Variants in DCC observed in about 807,000 individuals in gnomAD.
The protein encoded by DCC is netrin receptor DCC.
DCC carries 58 observed loss-of-function variants against 172.5 expected under a neutral mutation model. The ratio of observed to expected loss-of-function variants is 0.34; its 90% CI spans 0.27 to 0.42. The LOEUF (loss-of-function observed/expected upper bound fraction) is 0.42, where lower values mean the gene tolerates loss of function less well. DCC is among the 10% of genes least tolerant of loss of function. The pLI is 1.00. For synonymous variants in DCC, 709 were observed against 644.5 expected (o/e 1.10, Z -1.52); for missense variants, 1,740 against 1,791.0 (o/e 0.97, Z 0.51).
intron 1 of DCC, among the ~76,000 whole-genome samples, chr18:52,717,614 G>A (rs1161876123): frequency 2.6e-5 from 4 of 151,936 alleles, no homozygotes; most frequent in Non-Finnish European, 5.9e-5. Context: ...GGAGAACTTT[G>A]AGAGCCTCAA....
chr18:52,672,139 G>A (rs2035565899), intron 1 of DCC, among the ~76,000 whole-genome samples: 1 of 152,100 alleles, frequency 6.6e-6, no homozygotes, highest in Non-Finnish European at 1.5e-5. Context: ...CAATACTTCA[G>A]TTTTGTTTAT....
chr18:52,784,934 GGAGAGA>G (rs59734988), intron 2 of DCC, among the ~76,000 whole-genome samples: 1 of 141,446 alleles, frequency 7.1e-6, no homozygotes, highest in Non-Finnish European at 1.5e-5. Flanking sequence ...AGAGAAGGGG[GGAGAGA>G]GAGAGAGAGA....
At chr18:53,313,037 A>AAAGGGAAGAAGGGAGGG (rs1198701093) in intron 13 of DCC, among the ~76,000 whole-genome samples, 2,092 of 56,244 alleles carry the variant, frequency 0.037, 89 homozygotes, top group African/African-American at 0.09. Flanking sequence ...AAGAAGGAGG[A>AAAGGGAAGAAGGGAGGG]AAGGGAAGAA....
At chr18:52,868,077 G>GTGTGTA (rs1555675541) in intron 2 of DCC, among the ~76,000 whole-genome samples, 8 of 120,446 alleles carry the variant, frequency 6.6e-5, no homozygotes, top group East Asian at 4.3e-4. Flanking sequence ...GTGTGTGTGT[G>GTGTGTA]TATATATGTG....
chr18:53,048,592 TATAC>T (rs778701989), intron 5 of DCC, among the ~76,000 whole-genome samples: 10 of 151,180 alleles, frequency 6.6e-5, no homozygotes, highest in African/African-American at 1.5e-4. Flanking sequence ...TATATACGTA[TATAC>T]ATACATGTAT....
rs746724187 is a variant in DCC, at chr18:53,038,325, TATC to T, written c.986-24977_986-24975del. ...GTTAGATTGGGCTGCTGTAATAAAA[TATC>T]ATAAACGGAGTGGCTTAAACAACAG... On this transcript the variant is annotated intron_variant, in intron 5 of 28. Transcript: ENST00000442544. 6.4e-4 allele frequency among the ~76,000 whole-genome samples: 97 copies of T among 152,110 alleles called. 1 individual carries two copies. The highest frequency in any genetic ancestry group is 1.2e-3 in the Non-Finnish European group (83 of 67,958).
chr18:52,422,598 A>G (rs1017947074), intron 1 of DCC, among the ~76,000 whole-genome samples: 4 of 152,202 alleles, frequency 2.6e-5, no homozygotes, highest in African/African-American at 9.6e-5. Context: ...GGATATACAA[A>G]CTACAATGAA....
chr18:53,288,293 T>G (rs1403094718), intron 12 of DCC, among the ~76,000 whole-genome samples: 3 of 152,144 alleles, frequency 2.0e-5, no homozygotes, highest in Non-Finnish European at 4.4e-5. Context: ...TTTTATCTAT[T>G]GTTACCTAGG....
intron 7 of DCC, among the ~76,000 whole-genome samples, chr18:53,107,831 T>C (rs1296787863): frequency 6.6e-6 from 1 of 151,880 alleles, no homozygotes; most frequent in Admixed American, 6.6e-5. Context: ...AGGGCTATGA[T>C]TTTCCTGTGC....
intron 9 of DCC, among the ~76,000 whole-genome samples, chr18:53,192,827 G>A (rs908313007): frequency 5.9e-5 from 9 of 152,094 alleles, no homozygotes; most frequent in Non-Finnish European, 1.0e-4. Flanking sequence ...TCACCCACAC[G>A]TCTCCACCTA....
chr18:52,480,882 C>A (rs776209542), intron 1 of DCC, among the ~76,000 whole-genome samples: 2 of 151,932 alleles, frequency 1.3e-5, no homozygotes, highest in Admixed American at 6.6e-5. Flanking sequence ...AAACTCCAGG[C>A]CTCCTTTTCA....
At chr18:52,525,753 A>T (rs189008488) in intron 1 of DCC, among the ~76,000 whole-genome samples, 63 of 152,352 alleles carry the variant, frequency 4.1e-4, no homozygotes, top group Non-Finnish European at 6.3e-4. Flanking sequence ...GACAGATCTT[A>T]ACTCTCCTAC....
chr18:52,778,671 G>GT (rs1237001756), intron 2 of DCC, among the ~76,000 whole-genome samples: 1 of 152,086 alleles, frequency 6.6e-6, no homozygotes, highest in Non-Finnish European at 1.5e-5. Context: ...TAATTGCCTA[G>GT]TTTTTTCTTT....
At chr18:52,613,552 T>A (rs1247908192) in intron 1 of DCC, among the ~76,000 whole-genome samples, 1 of 152,084 alleles carries the variant, frequency 6.6e-6, no homozygotes, top group Non-Finnish European at 1.5e-5. Flanking sequence ...ACCACACCCA[T>A]CCTGTCTTGT....
At chr18:52,929,619 C>A (rs1359378782) in intron 5 of DCC, among the ~76,000 whole-genome samples, 3 of 151,924 alleles carry the variant, frequency 2.0e-5, no homozygotes, top group Non-Finnish European at 4.4e-5. Flanking sequence ...TACTCAATAT[C>A]GGGTATTGCT....
chr18:53,121,648 C>T (rs2043485622), intron 7 of DCC, among the ~76,000 whole-genome samples: 1 of 151,838 alleles, frequency 6.6e-6, no homozygotes, highest in Non-Finnish European at 1.5e-5. Context: ...TTGTAATTTG[C>T]ATATTTAACT....
chr18:53,300,157 T>A (rs541050104), intron 12 of DCC, among the ~76,000 whole-genome samples: 1 of 152,332 alleles, frequency 6.6e-6, no homozygotes, highest in South Asian at 2.1e-4. Context: ...TTTTATTATA[T>A]AAGTACAGTT....
chr18:53,426,521 T>C (rs1910975147), intron 21 of DCC, among the ~76,000 whole-genome samples: 6 of 149,944 alleles, frequency 4.0e-5, no homozygotes. Flanking sequence ...TGGCAAAGTA[T>C]ACTGCTTTTA....
At chr18:52,988,092 A>G (rs1204541963) in intron 5 of DCC, among the ~76,000 whole-genome samples, 1 of 152,200 alleles carries the variant, frequency 6.6e-6, no homozygotes, top group Non-Finnish European at 1.5e-5. Context: ...ACAGCACCTC[A>G]TTCCAAAAAT....
Sources: gnomAD v4.1 joint callset for allele counts (sites outside exome capture counted in the v4.1 genomes callset) on GRCh38, gnomAD v4.1.1 for gene constraint, MANE v1.5 for transcripts, NCBI Gene and HGNC (gene_info 2026-07-23, HGNC 2026-07-21) for gene names.